Variants in CHMP3 observed in about 807,000 individuals in gnomAD.
CHMP3 encodes the protein 25.1 protein.
A neutral mutation model predicts 27.4 loss-of-function variants in CHMP3; 8 were observed. The observed-to-expected ratio is 0.29, with a 90% CI of 0.17 to 0.53. The LOEUF (loss-of-function observed/expected upper bound fraction) is 0.53. Ranked by LOEUF, CHMP3 falls within the 20% of genes least tolerant of loss-of-function variation. CHMP3 has a pLI of 0.96. For missense variants in CHMP3, 208 were observed against 271.5 expected (o/e 0.77, Z 1.64); for synonymous variants, 86 against 85.5 (o/e 1.01, Z -0.03).
At chr2:86,530,120 G>A (rs1363176258) in intron 2 of CHMP3, among the ~76,000 whole-genome samples, 3 of 152,090 alleles carry the variant, frequency 2.0e-5, no homozygotes, top group Non-Finnish European at 4.4e-5. Flanking sequence ...AGCCTCCCAA[G>A]TAGCTGGGAT....
At chr2:86,557,189 TC>T (rs1677160720) in intron 1 of CHMP3, among the ~76,000 whole-genome samples, 1 of 152,100 alleles carries the variant, frequency 6.6e-6, no homozygotes, top group Non-Finnish European at 1.5e-5. Flanking sequence ...TTTCCTGAAT[TC>T]TCTCCATTTC....
At chr2:86,508,608 G>A (rs1249206699) in intron 4 of CHMP3, among the ~76,000 whole-genome samples, 2 of 152,152 alleles carry the variant, frequency 1.3e-5, no homozygotes, top group African/African-American at 2.4e-5. Flanking sequence ...TGATGTTTTG[G>A]TGATTCAAGG....
chr2:86,534,190 T>G (rs935678531), intron 2 of CHMP3, among the ~76,000 whole-genome samples: 40 of 141,480 alleles, frequency 2.8e-4, no homozygotes, highest in African/African-American at 1.1e-3. Flanking sequence ...TCCAATTGCT[T>G]TATTTCTTTT....
chr2:86,563,423 G>A lies in CHMP3; in HGVS notation c.-75C>T. 6.4e-7 allele frequency: 1 copy of A among 1,556,344 alleles called. No homozygotes were observed. The highest frequency in any genetic ancestry group is 8.7e-7 in the Non-Finnish European group (1 of 1,143,660). On this transcript the variant is annotated 5_prime_UTR_variant, in exon 1 of 6. Transcript: ENST00000263856. ...AGGCAGGTCACGGGCAGCCGCCTGGGCGGGGCCCGCGGAAAAGGAGGTAGT... is the reference window on the plus strand; with the variant it reads ...AGGCAGGTCACGGGCAGCCGCCTGGACGGGGCCCGCGGAAAAGGAGGTAGT...
intron 3 of CHMP3, among the ~76,000 whole-genome samples, chr2:86,521,565 C>A (rs183877821): frequency 2.6e-4 from 39 of 152,280 alleles, no homozygotes; most frequent in Admixed American, 3.9e-4. Context: ...CAAACTGAAC[C>A]TCTGCACCAT....
intron 1 of CHMP3, among the ~76,000 whole-genome samples, chr2:86,550,313 C>G (rs1008166882): frequency 5.9e-4 from 90 of 151,944 alleles, no homozygotes; most frequent in African/African-American, 2.1e-3. Context: ...GGCAGGGAGG[C>G]TGCAGCGAGC....
chr2:86,561,761 G>A (rs1677380237), intron 1 of CHMP3: 1 of 152,136 alleles, frequency 6.6e-6, no homozygotes, highest in Non-Finnish European at 1.5e-5. Flanking sequence ...CGTGTTCTTA[G>A]CAATTTATCA....
At chr2:86,547,867 G>T (rs957946597) in intron 1 of CHMP3, among the ~76,000 whole-genome samples, 6 of 152,112 alleles carry the variant, frequency 3.9e-5, no homozygotes, top group Non-Finnish European at 7.4e-5. Flanking sequence ...CAATATATTT[G>T]AAAACCACAA....
chr2:86,547,155 A>C (rs1676643089), intron 1 of CHMP3, among the ~76,000 whole-genome samples: 1 of 152,186 alleles, frequency 6.6e-6, no homozygotes, highest in Non-Finnish European at 1.5e-5. Context: ...ACTTATGATT[A>C]CTTACAAATA....
chr2:86,529,388 C>T lies in CHMP3; in HGVS notation c.116G>A (p.Arg39Lys). 1 of 1,595,322 alleles carries T rather than the reference C, an allele frequency of 6.3e-7. No individual in the cohort carries two copies. The highest frequency in any genetic ancestry group is 1.1e-5 in the South Asian group (1 of 87,390). Reference protein sequence around the residue: ...VVDRQIRDIQREEEKVKRSVK... With the variant: ...VVDRQIRDIQKEEEKVKRSVK... ...AGATCGTTTCACTTTTTCTTCTTCT[C>T]TTTGGATATCTAAATTTAGAACAGA... is the stretch of plus-strand genomic sequence containing the variant. The change falls in exon 3 of 6, where the codon AGA (arginine) becomes AAA (lysine). Residue 39 changes from arginine to lysine, a missense_variant. By Grantham distance (26) the Arg-to-Lys change is conservative. Transcript: ENST00000263856.
Position 86,529,072 on chromosome 2 carries a change from T to A in CHMP3, c.286+146A>T, listed in dbSNP as rs534233785. On this transcript the variant is annotated intron_variant, in intron 3 of 5. Coordinates refer to ENST00000263856, the MANE Select transcript of CHMP3 (RefSeq NM_016079.4). Reference sequence around the variant, plus strand: ...AACAAAAGAAAACAAACAACATTATTATATTTTGCATTTCTACAACACTCA... The same window carrying A: ...AACAAAAGAAAACAAACAACATTATAATATTTTGCATTTCTACAACACTCA... The A allele has an allele frequency of 1.3e-5, 10 of 776,982 alleles. No homozygotes were observed. In the South Asian group the frequency reaches 2.6e-4, roughly 20 times the overall value. The allele number at this position is 776,982 out of a possible 1,614,324, so 48.1% of individuals were successfully genotyped here. A position where few individuals can be genotyped will look rare whatever the true frequency, so the allele number is the denominator to read the frequency against.
chr2:86,538,313 T>A (rs1396609681), intron 2 of CHMP3, among the ~76,000 whole-genome samples: 3 of 152,122 alleles, frequency 2.0e-5, no homozygotes, highest in African/African-American at 7.2e-5. Flanking sequence ...AGAGTTTCAG[T>A]ATGGATGAGG....
intron 3 of CHMP3, among the ~76,000 whole-genome samples, chr2:86,522,394 A>C (rs1381780453): frequency 5.3e-5 from 8 of 152,080 alleles, no homozygotes; most frequent in Non-Finnish European, 8.8e-5. Flanking sequence ...TAATCTCCCA[A>C]CAAGCAACAC....
At chr2:86,518,651 AG>A (rs1675406598) in intron 3 of CHMP3, among the ~76,000 whole-genome samples, 1 of 152,050 alleles carries the variant, frequency 6.6e-6, no homozygotes, top group Non-Finnish European at 1.5e-5. Context: ...TACGCATTCT[AG>A]GGTGTTCAGC....
chr2:86,531,778 C>A (rs563661929), intron 2 of CHMP3, among the ~76,000 whole-genome samples: 2 of 152,320 alleles, frequency 1.3e-5, no homozygotes, highest in African/African-American at 4.8e-5. Flanking sequence ...TGACAACAGA[C>A]ACATAGTTTT....
intron 3 of CHMP3, among the ~76,000 whole-genome samples, chr2:86,518,939 A>G (rs774969266): frequency 8.5e-5 from 13 of 152,222 alleles, no homozygotes; most frequent in Admixed American, 1.3e-4. Context: ...ACTTTTTTTC[A>G]GGCTAAGTTC....
chr2:86,504,930 G>A lies in CHMP3; in HGVS notation c.*874C>T, dbSNP rs1674833670. ...ACTACTGCTGAAATGATTTATAAAT[G>A]TATCTTAAGAATGTCCCAGATGAGT... On this transcript the variant is annotated 3_prime_UTR_variant, in exon 6 of 6. Transcript: ENST00000263856. 6.6e-6 allele frequency: 1 copy of A among 152,180 alleles called. No individual in the cohort carries two copies. Among genetic ancestry groups the A allele is most frequent in the Admixed American group, 6.5e-5 (1 of 15,280 alleles). The allele number at this position is 152,180 out of a possible 1,614,324, so 9.4% of individuals were successfully genotyped here. A position where few individuals can be genotyped will look rare whatever the true frequency, so the allele number is the denominator to read the frequency against.
chr2:86,553,780 T>C (rs1473226069), intron 1 of CHMP3, among the ~76,000 whole-genome samples: 8 of 152,256 alleles, frequency 5.3e-5, no homozygotes, highest in Admixed American at 5.2e-4. Context: ...ATTTTTGTTA[T>C]ACAGAATTTC....
Position 86,563,342 on chromosome 2 carries a change from G to A in CHMP3, c.7C>T (p.Leu3=). 1 of 1,614,090 alleles carries A rather than the reference G, an allele frequency of 6.2e-7. No homozygotes were observed. Among genetic ancestry groups the A allele is most frequent in the Admixed American group, 1.7e-5 (1 of 60,026 alleles). Residue 3 remains leucine (L), a synonymous_variant, in exon 1 of 6, where the codon CTG becomes TTG. Coordinates refer to ENST00000263856, the MANE Select transcript of CHMP3 (RefSeq NM_016079.4). ...GGCTTCTCCTGGGTCTTTCCAAACA[G>A]CCCCATGACGAACTGAACCCGTCTT... MG[L]FGKTQEKPPK...
Sources: allele counts gnomAD v4.1 joint callset (sites outside exome capture counted in the v4.1 genomes callset), GRCh38; gene constraint gnomAD v4.1.1; transcripts MANE v1.5; gene names NCBI Gene and HGNC (gene_info 2026-07-23, HGNC 2026-07-21).